The following CYRIB variants were observed in gnomAD, a reference collection of about 807,000 sequenced individuals.
The protein encoded by CYRIB is CYFIP-related Rac1 interactor B.
Under a neutral mutation model 44.2 loss-of-function variants are expected in CYRIB, and 8 were observed. The ratio of observed to expected loss-of-function variants is 0.18; its 90% CI spans 0.11 to 0.33. CYRIB has a LOEUF of 0.33. Among genes scored for constraint, CYRIB ranks in the 10% least tolerant of loss-of-function variants. The probability of loss-of-function intolerance (pLI) is 1.00; values close to 1 mark genes in which losing one functional copy is unlikely to be tolerated. For missense variants in CYRIB, 185 were observed against 382.8 expected, an observed-to-expected ratio of 0.48 and a Z score of 4.31; for synonymous variants, 131 against 127.2, an observed-to-expected ratio of 1.03 and a Z score of -0.20.
intron 1 of CYRIB, among the ~76,000 whole-genome samples, chr8:129,924,314 G>GA (rs2086057477): frequency 1.1e-4 from 4 of 34,900 alleles, no homozygotes; most frequent in African/African-American, 5.4e-4. Context: ...GGTGGCGGGG[G>GA]GGGTGTTACT....
chr8:129,900,827 G>A (rs1400774373), intron 2 of CYRIB, among the ~76,000 whole-genome samples: 1 of 152,040 alleles, frequency 6.6e-6, no homozygotes, highest in Non-Finnish European at 1.5e-5. Context: ...TTACAGGTGC[G>A]CACAACCATG....
At chr8:129,890,668 A>T (rs1385857984) in intron 2 of CYRIB, 1 of 151,558 alleles carries the variant, frequency 6.6e-6, no homozygotes, top group African/African-American at 2.4e-5. Context: ...CAAGGTGGGG[A>T]GATTACTTGA....
chr8:129,900,848 A>G (rs781071819), intron 2 of CYRIB, among the ~76,000 whole-genome samples: 2 of 151,966 alleles, frequency 1.3e-5, no homozygotes, highest in Non-Finnish European at 2.9e-5. Context: ...CCCGGCTTGT[A>G]TTTTTAGTAG....
chr8:129,964,558 G>A (rs2095399676), intron 2 of CYRIB, among the ~76,000 whole-genome samples: 1 of 152,170 alleles, frequency 6.6e-6, no homozygotes, highest in Non-Finnish European at 1.5e-5. Context: ...ACAGGACTTT[G>A]CACAACAAAG....
chr8:129,869,864 C>T (rs898105761), intron 4 of CYRIB, among the ~76,000 whole-genome samples: 9 of 151,798 alleles, frequency 5.9e-5, no homozygotes, highest in African/African-American at 1.5e-4. Context: ...CAGAGATAAA[C>T]ACTCAATAGT....
At chr8:129,875,973 G>A (rs979592698) in intron 3 of CYRIB, among the ~76,000 whole-genome samples, 3 of 152,062 alleles carry the variant, frequency 2.0e-5, no homozygotes, top group Admixed American at 2.0e-4. Flanking sequence ...AATTAGCTGG[G>A]TGTGGTGCTG....
intron 1 of CYRIB, among the ~76,000 whole-genome samples, chr8:129,926,977 C>G (rs1040273783): frequency 2.0e-4 from 31 of 152,104 alleles, no homozygotes; most frequent in Non-Finnish European, 2.8e-4. Context: ...ATTCATAGAG[C>G]ACACATTTAA....
chr8:129,854,244 C>T (rs769627944), intron 7 of CYRIB, 22 bp downstream of exon 9: 35 of 1,555,932 alleles, frequency 2.2e-5, no homozygotes, highest in Middle Eastern at 3.4e-4. Flanking sequence ...TACCATCCCC[C>T]TAATTCAAAG....
intron 2 of CYRIB, chr8:129,894,656 C>T (rs2067018723): frequency 6.6e-6 from 1 of 152,056 alleles, no homozygotes; most frequent in East Asian, 1.9e-4. Context: ...TATCCAATAC[C>T]CTAATTAGGG....
chr8:129,944,100 CAAGTA>C (rs2093964830), upstream of CYRIB, among the ~76,000 whole-genome samples: 1 of 151,886 alleles, frequency 6.6e-6, no homozygotes, highest in African/African-American at 2.4e-5. Flanking sequence ...AAGGCAACAA[CAAGTA>C]AAGAGACGCT....
At chr8:129,875,004 T>C (rs1227569739) in intron 3 of CYRIB, among the ~76,000 whole-genome samples, 2 of 152,210 alleles carry the variant, frequency 1.3e-5, no homozygotes, top group East Asian at 3.8e-4. Flanking sequence ...TCTCCTATTT[T>C]GATTTCCCTG....
intron 1 of CYRIB, chr8:130,004,404 CCTCGTTTCA>C (rs2096985290): frequency 6.6e-6 from 1 of 152,080 alleles, no homozygotes; most frequent in Non-Finnish European, 1.5e-5. Context: ...CCAGCCATAC[CCTCGTTTCA>C]CTGAGCCGAA....
chr8:129,998,649 T>C (rs2096836715), intron 1 of CYRIB, among the ~76,000 whole-genome samples: 1 of 152,030 alleles, frequency 6.6e-6, no homozygotes, highest in Non-Finnish European at 1.5e-5. Flanking sequence ...TTTTTTTTTT[T>C]TAGATGAATT....
rs562062422 is a variant in CYRIB at position 129,888,143 on chromosome 8, G to C, written c.-10-8672C>G. Among the ~76,000 whole-genome samples the C allele has an allele frequency of 7.2e-5, 11 of 152,296 alleles. No homozygotes were observed. The East Asian group carries it at 1.7e-3, about 24-fold the overall frequency. ...CCTGCTGGGAGGAGACTGGATCATG[G>C]GAGTGGACTTCCCCCTTGCTGCTGT... On this transcript the variant is annotated intron_variant, in intron 2 of 11. Coordinates refer to ENST00000519824, the Ensembl canonical transcript of CYRIB.
chr8:130,016,509 G>GGCA (rs543173556), upstream of CYRIB: 9,591 of 157,960 alleles, frequency 0.061, 405 homozygotes, highest in Middle Eastern at 0.095. Flanking sequence ...CCGCCGCGGC[G>GGCA]GCAGCAGCAG....
intron 9 of CYRIB, chr8:129,850,452 A>C (rs2042679654): frequency 5.8e-6 from 1 of 172,834 alleles, no homozygotes; most frequent in African/African-American, 2.4e-5. Flanking sequence ...GCCCTTTGGC[A>C]AAAGGGTAAG....
intron 2 of CYRIB, among the ~76,000 whole-genome samples, chr8:129,892,243 A>G (rs1403172878): frequency 6.6e-6 from 1 of 152,248 alleles, no homozygotes. Context: ...CTGGAATGGA[A>G]TATGATGGAA....
At chr8:130,013,621 C>G (rs1471858883) in intron 1 of CYRIB, among the ~76,000 whole-genome samples, 1 of 152,176 alleles carries the variant, frequency 6.6e-6, no homozygotes, top group East Asian at 1.9e-4. Context: ...GAATCGTGGT[C>G]TCTTCAATTA....
At chr8:130,001,729 C>T (rs1415341472) in intron 1 of CYRIB, among the ~76,000 whole-genome samples, 4 of 151,892 alleles carry the variant, frequency 2.6e-5, no homozygotes, top group Non-Finnish European at 5.9e-5. Context: ...ATCTGCCCGC[C>T]TCGACTTCCA....
Sources: gnomAD v4.1 joint callset for allele counts (sites outside exome capture counted in the v4.1 genomes callset) on GRCh38, gnomAD v4.1.1 for gene constraint, MANE v1.5 for transcripts, NCBI Gene and HGNC (gene_info 2026-07-23, HGNC 2026-07-21) for gene names.